Variants in ARHGEF12 observed in about 807,000 individuals in gnomAD.
The protein encoded by ARHGEF12 is KMT2A/ARHGEF12 fusion protein.
A neutral mutation model predicts 211.2 loss-of-function variants in ARHGEF12; 66 were observed. The ratio of observed to expected loss-of-function variants is 0.31; its 90% CI spans 0.26 to 0.38. The LOEUF (loss-of-function observed/expected upper bound fraction) is 0.38. Ranked by LOEUF, ARHGEF12 falls within the 10% of genes least tolerant of loss-of-function variation. ARHGEF12 has a pLI of 1.00. For synonymous variants in ARHGEF12, 592 were observed against 638.4 expected (o/e 0.93, Z 1.09); for missense variants, 1,429 against 1,869.5 (o/e 0.76, Z 4.34).
At chr11:120,455,828 T>A (rs1043673887) in intron 22 of ARHGEF12, among the ~76,000 whole-genome samples, 2 of 152,156 alleles carry the variant, frequency 1.3e-5, no homozygotes, top group Non-Finnish European at 2.9e-5. Flanking sequence ...ATTATATAAC[T>A]TTGACAGCAA....
Position 120,337,261 on chromosome 11 carries a change from T to A in ARHGEF12, c.18T>A (p.Ser6=). 1 of 1,614,174 alleles carries A rather than the reference T, an allele frequency of 6.2e-7. No homozygotes were observed. Among genetic ancestry groups the A allele is most frequent in the South Asian group, 1.1e-5 (1 of 91,074 alleles). Residue 6 remains serine (S), a synonymous_variant, in exon 1 of 41, where the codon TCT becomes TCA. Transcript: ENST00000397843. ...GGGCCCCAATGAGTGGCACACAGTC[T>A]ACTATCACCGACAGGTTGGTATGAA... The part of the protein sequence containing the change: MSGTQ[S]TITDRFPLKK...
intron 1 of ARHGEF12, among the ~76,000 whole-genome samples, chr11:120,399,603 G>T (rs1944501670): frequency 6.6e-6 from 1 of 151,986 alleles, no homozygotes; most frequent in Admixed American, 6.6e-5. Flanking sequence ...GTGATTTGGG[G>T]TTAGTATAGT....
intron 1 of ARHGEF12, among the ~76,000 whole-genome samples, chr11:120,344,387 A>AC: frequency 6.6e-6 from 1 of 152,038 alleles, no homozygotes; most frequent in East Asian, 1.9e-4. Context: ...AGTAACAGAT[A>AC]CCCCAAATAC....
At chr11:120,385,482 T>C in intron 1 of ARHGEF12, 1 of 985,408 alleles carries the variant, frequency 1.0e-6, no homozygotes, top group Non-Finnish European at 1.2e-6. Context: ...TGTCCGGTGA[T>C]CCAGGTAATC....
chr11:120,370,402 G>C (rs1330732450), intron 1 of ARHGEF12, among the ~76,000 whole-genome samples: 4 of 152,112 alleles, frequency 2.6e-5, no homozygotes, highest in African/African-American at 9.7e-5. Context: ...CATAAGCAAA[G>C]TAAATCTCCT....
intron 1 of ARHGEF12, among the ~76,000 whole-genome samples, chr11:120,340,154 T>G (rs1942489214): frequency 6.6e-6 from 1 of 152,258 alleles, no homozygotes; most frequent in South Asian, 2.1e-4. Context: ...GCATTCAGTC[T>G]TAAAATACAT....
intron 4 of ARHGEF12, among the ~76,000 whole-genome samples, chr11:120,416,982 G>A (rs1280357406): frequency 3.9e-5 from 6 of 152,136 alleles, no homozygotes; most frequent in Admixed American, 3.3e-4. Context: ...TAACATAAAA[G>A]TACTTACAAT....
chr11:120,442,346 CT>C (rs199708925), intron 15 of ARHGEF12, 144 bp downstream of exon 15: 70,322 of 408,508 alleles, frequency 0.17, 3,181 homozygotes, highest in East Asian at 0.55. Flanking sequence ...TTACTCTAGA[CT>C]TTTTTTTTTT....
At chr11:120,464,164 T>A (rs547346328) in intron 27 of ARHGEF12, 1 of 152,234 alleles carries the variant, frequency 6.6e-6, no homozygotes, top group East Asian at 1.9e-4. Flanking sequence ...ACAGAAAACT[T>A]ACGGCCTGCC....
intron 1 of ARHGEF12, among the ~76,000 whole-genome samples, chr11:120,403,369 T>G (rs1944597392): frequency 6.6e-6 from 1 of 152,058 alleles, no homozygotes; most frequent in Non-Finnish European, 1.5e-5. Context: ...TAGCTGGGCA[T>G]GGTGGCACGC....
intron 12 of ARHGEF12, among the ~76,000 whole-genome samples, chr11:120,438,215 C>A (rs2135763644): frequency 6.6e-6 from 1 of 152,314 alleles, no homozygotes; most frequent in East Asian, 1.9e-4. Context: ...ATTGAAAAAT[C>A]AGAGACATCA....
chr11:120,356,855 C>T (rs1454125506), intron 1 of ARHGEF12, among the ~76,000 whole-genome samples: 2 of 152,232 alleles, frequency 1.3e-5, no homozygotes, highest in African/African-American at 4.8e-5. Context: ...AAATTATGTG[C>T]TAGGTACTGT....
At chr11:120,484,891 G>C (rs1281497796) in intron 40 of ARHGEF12, among the ~76,000 whole-genome samples, 176 bp from the exon 41 acceptor site, 1 of 152,202 alleles carries the variant, frequency 6.6e-6, no homozygotes, top group East Asian at 1.9e-4. Context: ...AGTGTGGCTG[G>C]TGTCTCCCCT....
intron 27 of ARHGEF12, among the ~76,000 whole-genome samples, chr11:120,462,008 T>A (rs1946550822): frequency 8.3e-6 from 1 of 120,052 alleles, no homozygotes; most frequent in African/African-American, 3.1e-5. Flanking sequence ...CACTTTCCTC[T>A]TGTTCATTTG....
chr11:120,363,500 C>T (rs1943336003), intron 1 of ARHGEF12, among the ~76,000 whole-genome samples: 1 of 152,084 alleles, frequency 6.6e-6, no homozygotes, highest in Admixed American at 6.5e-5. Flanking sequence ...CAAGTTAATA[C>T]TGGTTTTCTA....
Position 120,424,388 on chromosome 11 carries a change from C to A in ARHGEF12, c.379C>A (p.His127Asn). 1 of 1,613,556 alleles carries A rather than the reference C, an allele frequency of 6.2e-7. No homozygotes were observed. Among genetic ancestry groups the A allele is most frequent in the South Asian group, 1.1e-5 (1 of 90,978 alleles). Residue 127 changes from histidine (H) to asparagine (N), a missense_variant, in exon 7 of 41, where the codon CAT becomes AAT. His to Asn is a moderately conservative substitution (Grantham distance 68). Around this residue, in one of 7 missense-constraint regions of ARHGEF12, gnomAD observed 60 missense variants for 121.0 expected, o/e 0.50. Coordinates refer to ENST00000397843, the MANE Select transcript of ARHGEF12 (RefSeq NM_015313.3). The stretch of plus-strand genomic sequence containing the variant: ...TGGAACTCTGGTGACTCATTCAAAT[C>A]ATCTGGAGGTGGTGAAGCTAATCAA... ...VNGTLVTHSNHLEVVKLIKSG... is the reference protein window; with the variant it reads ...VNGTLVTHSNNLEVVKLIKSG...
At chr11:120,353,732 A>T (rs1358821412) in intron 1 of ARHGEF12, among the ~76,000 whole-genome samples, 1 of 152,200 alleles carries the variant, frequency 6.6e-6, no homozygotes, top group Non-Finnish European at 1.5e-5. Flanking sequence ...AGAGATTTCA[A>T]GGCAAGACCC....
intron 1 of ARHGEF12, among the ~76,000 whole-genome samples, chr11:120,392,493 A>G (rs1944251563): frequency 6.6e-6 from 1 of 152,176 alleles, no homozygotes; most frequent in South Asian, 2.1e-4. Flanking sequence ...CTCCTGGCAT[A>G]GGTTGGTGTT....
chr11:120,421,139 C>T (rs1945172461), intron 5 of ARHGEF12, among the ~76,000 whole-genome samples: 1 of 152,112 alleles, frequency 6.6e-6, no homozygotes, highest in Non-Finnish European at 1.5e-5. Flanking sequence ...TTTCAGTTTT[C>T]CATGGCACCA....
Sources: allele counts gnomAD v4.1 joint callset (sites outside exome capture counted in the v4.1 genomes callset), GRCh38; gene constraint gnomAD v4.1.1; regional missense constraint gnomAD v4.1.1; transcripts MANE v1.5; gene names NCBI Gene and HGNC (gene_info 2026-07-23, HGNC 2026-07-21).